LIPA: variants seen among roughly 807,000 people sequenced by gnomAD.
LIPA encodes lysosomal acid lipase/cholesteryl ester hydrolase.
A neutral mutation model predicts 40.6 loss-of-function variants in LIPA; 26 were observed. The ratio of observed to expected loss-of-function variants is 0.64; its 90% CI spans 0.47 to 0.89. LIPA has a LOEUF of 0.89. Ranked by LOEUF, LIPA falls within the 40% of genes least tolerant of loss-of-function variation. The pLI is 0.00. For missense variants in LIPA, 455 were observed against 479.6 expected (o/e 0.95, Z 0.48); for synonymous variants, 188 against 168.4 (o/e 1.12, Z -0.90).
intron 1 of LIPA, among the ~76,000 whole-genome samples, chr10:89,297,024 T>C (rs981816167): frequency 1.1e-4 from 16 of 152,074 alleles, no homozygotes; most frequent in Admixed American, 1.0e-3. Flanking sequence ...GAACCAAAAT[T>C]ATGAATAGAT....
intron 1 of LIPA, among the ~76,000 whole-genome samples, chr10:89,301,162 T>C (rs1488429153): frequency 6.6e-6 from 1 of 152,224 alleles, no homozygotes; most frequent in Non-Finnish European, 1.5e-5. Context: ...TCAATAATTT[T>C]CCCCAGAGTT....
At chr10:89,248,341 T>G (rs926503596) in intron 1 of LIPA, among the ~76,000 whole-genome samples, 1 of 151,132 alleles carries the variant, frequency 6.6e-6, no homozygotes, top group Non-Finnish European at 1.5e-5. Context: ...TTTGTATTTT[T>G]AGTAGAGACA....
chr10:89,278,859 A>G (rs1220334654), intron 1 of LIPA, among the ~76,000 whole-genome samples: 2 of 151,362 alleles, frequency 1.3e-5, no homozygotes, highest in South Asian at 2.1e-4. Flanking sequence ...ACTTTTATAT[A>G]TAGTATAATT....
At chr10:89,369,884 CA>C (rs1317194659) in intron 2 of LIPA, among the ~76,000 whole-genome samples, 2 of 152,230 alleles carry the variant, frequency 1.3e-5, no homozygotes, top group Non-Finnish European at 2.9e-5. Context: ...TCCCCACATA[CA>C]GCCAAAGGTC....
chr10:89,361,557 C>T (rs187914542), intron 2 of LIPA, among the ~76,000 whole-genome samples: 6 of 152,186 alleles, frequency 3.9e-5, no homozygotes, highest in South Asian at 2.1e-4. Flanking sequence ...TCCTGAGAAA[C>T]GAAAGTGTCA....
At chr10:89,411,300 C>A (rs1408176576) in intron 2 of LIPA, among the ~76,000 whole-genome samples, 1 of 150,358 alleles carries the variant, frequency 6.7e-6, no homozygotes, top group African/African-American at 2.5e-5. Flanking sequence ...AAAAAAAAAA[C>A]ACAATGGGTA....
intron 1 of LIPA, chr10:89,338,824 T>A: frequency 2.5e-6 from 4 of 1,614,162 alleles, no homozygotes; most frequent in Non-Finnish European, 3.4e-6. Flanking sequence ...GTACAACTTG[T>A]TGGCCTACAT....
At chr10:89,269,090 T>G (rs1330134999) in intron 1 of LIPA, among the ~76,000 whole-genome samples, 1 of 151,952 alleles carries the variant, frequency 6.6e-6, no homozygotes, top group Non-Finnish European at 1.5e-5. Flanking sequence ...TTTGGGAGGC[T>G]GAGGCAGGTG....
intron 1 of LIPA, among the ~76,000 whole-genome samples, chr10:89,318,667 T>C (rs1843554970): frequency 6.6e-6 from 1 of 152,046 alleles, no homozygotes; most frequent in African/African-American, 2.4e-5. Context: ...GACAGAAAGT[T>C]AACAAGGATA....
chr10:89,273,781 GC>G (rs1843277283), intron 1 of LIPA, among the ~76,000 whole-genome samples: 1 of 152,306 alleles, frequency 6.6e-6, no homozygotes, highest in African/African-American at 2.4e-5. Context: ...ATTTTATTGG[GC>G]CTCATTTCTT....
intron 1 of LIPA, among the ~76,000 whole-genome samples, chr10:89,305,764 T>G (rs112958191): frequency 0.04 from 6,091 of 152,260 alleles, 406 homozygotes; most frequent in African/African-American, 0.14. Flanking sequence ...ATTCTTCTGC[T>G]GCCCACAGTC....
chr10:89,308,312 T>G (rs2133523939), intron 1 of LIPA: 1 of 152,190 alleles, frequency 6.6e-6, no homozygotes, highest in East Asian at 1.9e-4. Context: ...TTAGCCACTA[T>G]TAGGAATTTT....
At chr10:89,336,154 G>T (rs994225141) in intron 1 of LIPA, among the ~76,000 whole-genome samples, 1 of 140,090 alleles carries the variant, frequency 7.1e-6, no homozygotes, top group African/African-American at 2.6e-5. Flanking sequence ...AATAGGGAGG[G>T]AGGAAGGGAG....
At chr10:89,409,555 C>T (rs983715552) in intron 2 of LIPA, among the ~76,000 whole-genome samples, 1 of 152,258 alleles carries the variant, frequency 6.6e-6, no homozygotes, top group Non-Finnish European at 1.5e-5. Flanking sequence ...AACAACAGGA[C>T]TGAGGGTGCC....
intron 2 of LIPA, among the ~76,000 whole-genome samples, chr10:89,392,930 C>T (rs1240863456): frequency 6.6e-6 from 1 of 152,100 alleles, no homozygotes; most frequent in East Asian, 1.9e-4. Context: ...TTAGCATGAA[C>T]TTGAGGAAGC....
At chr10:89,252,367 G>A (rs1843138677), upstream of LIPA, among the ~76,000 whole-genome samples, 1 of 152,208 alleles carries the variant, frequency 6.6e-6, no homozygotes, top group South Asian at 2.1e-4. Context: ...TAGTAAGACA[G>A]TGGAGGTATA....
At chr10:89,384,433 G>C (rs1203859939) in intron 2 of LIPA, 1 of 1,614,094 alleles carries the variant, frequency 6.2e-7, no homozygotes, top group African/African-American at 1.3e-5. Flanking sequence ...GATCTTTGAA[G>C]ATCAGCTAAA....
chr10:89,370,899 T>G (rs1844087842), intron 2 of LIPA, among the ~76,000 whole-genome samples: 1 of 152,116 alleles, frequency 6.6e-6, no homozygotes. Flanking sequence ...GCACCTGTAC[T>G]CCCAGCTACT....
chr10:89,403,193 A>C (rs1454269915), intron 2 of LIPA: 7 of 1,614,054 alleles, frequency 4.3e-6, no homozygotes, highest in Non-Finnish European at 5.9e-6. Context: ...AGGAGGCTAC[A>C]AAAGGGCAGC....
Sources: allele counts gnomAD v4.1 joint callset (sites outside exome capture counted in the v4.1 genomes callset), GRCh38; gene constraint gnomAD v4.1.1; transcripts MANE v1.5; gene names NCBI Gene and HGNC (gene_info 2026-07-23, HGNC 2026-07-21).